The following CACNA2D2 variants were observed in gnomAD, a reference collection of about 807,000 sequenced individuals.
The protein encoded by CACNA2D2 is calcium voltage-gated channel auxiliary subunit alpha2delta 2, also known as voltage-dependent calcium channel subunit alpha-2/delta-2.
Under a neutral mutation model 166.4 loss-of-function variants are expected in CACNA2D2, and 48 were observed. The ratio of observed to expected loss-of-function variants is 0.29; its 90% CI spans 0.23 to 0.37. The LOEUF is 0.37. CACNA2D2 is among the 10% of genes least tolerant of loss of function. The pLI is 1.00. For synonymous variants in CACNA2D2, 561 were observed against 573.7 expected, an observed-to-expected ratio of 0.98 and a Z score of 0.32; for missense variants, 1,122 against 1,433.0, an observed-to-expected ratio of 0.78 and a Z score of 3.50.
chr3:50,465,980 T>C (rs1007053360), intron 2 of CACNA2D2, among the ~76,000 whole-genome samples: 1 of 152,120 alleles, frequency 6.6e-6, no homozygotes, highest in African/African-American at 2.4e-5. Flanking sequence ...GCCCGGGACC[T>C]GGAAATGAGG....
intron 3 of CACNA2D2, among the ~76,000 whole-genome samples, chr3:50,420,194 G>A (rs1342734889): frequency 1.3e-5 from 2 of 152,392 alleles, no homozygotes; most frequent in East Asian, 3.9e-4. Context: ...CGCAGTAAGA[G>A]AAGGAGGGGA....
intron 2 of CACNA2D2, among the ~76,000 whole-genome samples, chr3:50,474,018 G>A (rs1237970630): frequency 2.6e-5 from 4 of 152,228 alleles, no homozygotes; most frequent in Non-Finnish European, 4.4e-5. Context: ...GCACGGCCCT[G>A]CTCTGGCCCA....
chr3:50,498,305 C>T (rs1698808206), intron 1 of CACNA2D2, among the ~76,000 whole-genome samples: 1 of 152,060 alleles, frequency 6.6e-6, no homozygotes, highest in South Asian at 2.1e-4. Context: ...GCATGAGGCT[C>T]CCCCAGCATC....
At chr3:50,444,210 G>A (rs1329414388) in intron 2 of CACNA2D2, among the ~76,000 whole-genome samples, 1 of 152,196 alleles carries the variant, frequency 6.6e-6, no homozygotes, top group African/African-American at 2.4e-5. Flanking sequence ...AGGCCCTGGG[G>A]GTGGAGATGA....
chr3:50,478,904 A>G (rs955521845), intron 1 of CACNA2D2, among the ~76,000 whole-genome samples: 2 of 152,252 alleles, frequency 1.3e-5, no homozygotes, highest in Non-Finnish European at 2.9e-5. Flanking sequence ...AACATTCAGC[A>G]GCACATTACT....
At chr3:50,406,576 T>G (rs1408663787) in intron 3 of CACNA2D2, among the ~76,000 whole-genome samples, 1 of 151,686 alleles carries the variant, frequency 6.6e-6, no homozygotes, top group Non-Finnish European at 1.5e-5. Flanking sequence ...CCATGTTCAC[T>G]GCCAACATCC....
rs1704040515 is a variant in CACNA2D2 at position 50,363,497 on chromosome 3, A to G, written c.*1169T>C. The G allele has an allele frequency of 5.4e-6, 2 of 369,122 alleles. No individual in the cohort carries two copies. The highest frequency in any genetic ancestry group is 5.1e-5 in the Admixed American group (1 of 19,620). The allele number at this position is 369,122 out of a possible 1,614,324, so 22.9% of individuals were successfully genotyped here. ...GTGTGTGTGTGTGTGTGTGTTCAGC[A>G]AGGGAGGGACAGTTTGGCCTCCTGC... On this transcript the variant is annotated 3_prime_UTR_variant, in exon 38 of 38. Coordinates refer to ENST00000424201, the MANE Select transcript of CACNA2D2 (RefSeq NM_006030.4).
chr3:50,490,105 G>T (rs1167744813), intron 1 of CACNA2D2, among the ~76,000 whole-genome samples: 1 of 152,162 alleles, frequency 6.6e-6, no homozygotes, highest in African/African-American at 2.4e-5. Context: ...GGCAGATGGG[G>T]CATGGGCAAA....
In CACNA2D2 at chr3:50,367,922, G is replaced by T. The variant is rs1704432513; in HGVS notation, c.2144-20C>A. Reference sequence around the variant, plus strand: ...TGTTGCCTGGAACAGGAGGGGAGGGGTGGGGGTGGGGGCATCTTCTTGCAG... The same window carrying T: ...TGTTGCCTGGAACAGGAGGGGAGGGTTGGGGGTGGGGGCATCTTCTTGCAG... On this transcript the variant is annotated intron_variant, in intron 24 of 37. Coordinates refer to ENST00000424201, the MANE Select transcript of CACNA2D2 (RefSeq NM_006030.4). This position sits in a 1 kb window ranked among gnomAD's most constrained non-coding sequence, Gnocchi z 6.5. 7.0e-7 allele frequency: 1 copy of T among 1,433,066 alleles called. No individual in the cohort carries two copies. The allele number at this position is 1,433,066 out of a possible 1,614,324, so 88.8% of individuals were successfully genotyped here. A position where few individuals can be genotyped will look rare whatever the true frequency, so the allele number is the denominator to read the frequency against.
intron 2 of CACNA2D2, among the ~76,000 whole-genome samples, chr3:50,450,751 C>T (rs1559961256): frequency 1.3e-5 from 2 of 152,176 alleles, no homozygotes; most frequent in Non-Finnish European, 2.9e-5. Context: ...TGACTCAGAG[C>T]CTTCCCTTCC....
intron 2 of CACNA2D2, among the ~76,000 whole-genome samples, chr3:50,443,875 C>A (rs1379573731): frequency 2.6e-5 from 4 of 152,216 alleles, no homozygotes; most frequent in Admixed American, 6.5e-5. Context: ...CTCCAGTGGA[C>A]CCTTGGTGGG....
At chr3:50,369,968 AC>A (rs1704567385) in intron 23 of CACNA2D2, among the ~76,000 whole-genome samples, 1 of 152,022 alleles carries the variant, frequency 6.6e-6, no homozygotes. Flanking sequence ...GACACCACAA[AC>A]CAGAGCAGCA....
intron 2 of CACNA2D2, among the ~76,000 whole-genome samples, chr3:50,452,698 C>T (rs1311691033): frequency 2.6e-5 from 4 of 152,152 alleles, no homozygotes; most frequent in Admixed American, 2.0e-4. Context: ...TGAGAAGCCC[C>T]CTTGGCAGGA....
At chr3:50,414,165 C>T (rs1707162402) in intron 3 of CACNA2D2, among the ~76,000 whole-genome samples, 2 of 152,122 alleles carry the variant, frequency 1.3e-5, no homozygotes, top group Non-Finnish European at 2.9e-5. Flanking sequence ...TGCAGTCACG[C>T]CAGGCAGCTC....
At chr3:50,419,542 C>T (rs1234996424) in intron 3 of CACNA2D2, among the ~76,000 whole-genome samples, 1 of 152,212 alleles carries the variant, frequency 6.6e-6, no homozygotes, top group African/African-American at 2.4e-5. Flanking sequence ...CCCTTCCCAT[C>T]CTATGACCAT....
At chr3:50,497,166 C>A (rs116065611) in intron 1 of CACNA2D2, among the ~76,000 whole-genome samples, 2 of 152,148 alleles carry the variant, frequency 1.3e-5, no homozygotes, top group East Asian at 3.9e-4. Context: ...CAAGGCCCAG[C>A]GGCCACAGCT....
chr3:50,421,644 G>C (rs1295850119), intron 3 of CACNA2D2, among the ~76,000 whole-genome samples: 2 of 152,156 alleles, frequency 1.3e-5, no homozygotes, highest in Non-Finnish European at 2.9e-5. Flanking sequence ...CAGGGACACA[G>C]GAAGATGATC....
intron 3 of CACNA2D2, chr3:50,419,636 C>T (rs955085052): frequency 2.2e-4 from 33 of 152,162 alleles, no homozygotes; most frequent in African/African-American, 6.8e-4. Context: ...GAGGAAATCC[C>T]GGCCTGTTTA....
At chr3:50,419,639 CCT>C (rs1176977840) in intron 3 of CACNA2D2, 1 of 152,160 alleles carries the variant, frequency 6.6e-6, no homozygotes, top group Non-Finnish European at 1.5e-5. Context: ...GAAATCCCGG[CCT>C]GTTTAATGGG....
Sources: gnomAD v4.1 joint callset for allele counts (sites outside exome capture counted in the v4.1 genomes callset) on GRCh38, gnomAD v4.1.1 for gene constraint, Gnocchi (gnomAD v3.1) non-coding constraint, MANE v1.5 for transcripts, NCBI Gene and HGNC (gene_info 2026-07-23, HGNC 2026-07-21) for gene names.